Variants in SIGLEC9 observed in about 807,000 individuals in gnomAD.
SIGLEC9 encodes the protein sialic acid-binding Ig-like lectin 9.
SIGLEC9 carries 26 observed loss-of-function variants against 38.3 expected under a neutral mutation model. That is an observed-to-expected ratio of 0.68 (90% CI 0.50 to 0.94). SIGLEC9 has a LOEUF of 0.94. SIGLEC9 is among the 40% of genes least tolerant of loss of function. SIGLEC9 has a pLI of 0.00. For missense variants in SIGLEC9, 556 were observed against 585.7 expected, an observed-to-expected ratio of 0.95 and a Z score of 0.52; for synonymous variants, 236 against 248.0, an observed-to-expected ratio of 0.95 and a Z score of 0.45.
downstream of SIGLEC9, among the ~76,000 whole-genome samples, chr19:51,134,395 G>C (rs2092032699): frequency 6.6e-6 from 1 of 151,992 alleles, no homozygotes; most frequent in Admixed American, 6.6e-5. Context: ...TTGACCCTGT[G>C]ATCCAACCAC....
intron 6 of SIGLEC9, chr19:51,135,826 T>C (rs1460283444): frequency 1.7e-6 from 1 of 582,372 alleles, no homozygotes; most frequent in African/African-American, 1.9e-5. Flanking sequence ...GAACTGGTCT[T>C]TGAGCTCTGA....
intron 4 of SIGLEC9, 81 bp from the exon 5 acceptor site, chr19:51,127,866 GTC>G: frequency 1.2e-6 from 1 of 800,072 alleles, no homozygotes; most frequent in East Asian, 2.5e-5. Context: ...GGAAATAGAA[GTC>G]TAGGACCCTA....
chr19:51,135,732 A>G (rs1489887181), intron 6 of SIGLEC9, among the ~76,000 whole-genome samples: 1 of 151,844 alleles, frequency 6.6e-6, no homozygotes, highest in Non-Finnish European at 1.5e-5. Context: ...TGGTCTCTTT[A>G]TATAATCCCA....
intron 6 of SIGLEC9, chr19:51,135,922 C>A: frequency 2.9e-6 from 2 of 696,190 alleles, no homozygotes; most frequent in South Asian, 3.0e-5. Context: ...TCTAACAGAT[C>A]AGTTTGATTC....
intron 6 of SIGLEC9, among the ~76,000 whole-genome samples, chr19:51,129,594 G>A (rs1239284005): frequency 1.3e-5 from 2 of 151,990 alleles, no homozygotes; most frequent in Non-Finnish European, 2.9e-5. Context: ...CTGTCACCCA[G>A]GATGTAGTGC....
rs148728608 is a variant in SIGLEC9 at position 51,126,869 on chromosome 19, C to T, written c.749-161C>T. Among the ~76,000 whole-genome samples the T allele has an allele frequency of 7.9e-5, 12 of 152,302 alleles. No individual in the cohort carries two copies. The South Asian group carries it at 1.0e-3, about 13-fold the overall frequency. On this transcript the variant is annotated intron_variant, in intron 3 of 6. Transcript: ENST00000250360. ...TAAGCCCAAACTGTTCTCGATGAAG[C>T]GGGGAGAAGTTTACATTCCCAGCAG...
chr19:51,120,129 A>G (rs112356357), upstream of SIGLEC9: 6,073 of 153,324 alleles, frequency 0.04, 392 homozygotes, highest in African/African-American at 0.14. The surrounding 1 kb of genome is among the most constrained non-coding windows in gnomAD (Gnocchi z 4.1). Context: ...TGGAAGGAAC[A>G]CTCCAGTGGC....
chr19:51,136,125 T>C (rs2122865536), exon 7 of SIGLEC9: 1 of 703,918 alleles, frequency 1.4e-6, no homozygotes, highest in South Asian at 1.5e-5. Flanking sequence ...GTGTGGTCAC[T>C]TGAAGGTAAA....
downstream of SIGLEC9, among the ~76,000 whole-genome samples, chr19:51,130,480 C>G (rs927982682): frequency 3.3e-5 from 5 of 152,170 alleles, no homozygotes; most frequent in African/African-American, 1.2e-4. Context: ...CTGGGAACCT[C>G]TCCTGATTCT....
chr19:51,124,942 T>TC lies in SIGLEC9; in HGVS notation c.-30dup, dbSNP rs2091965617. The TC allele has an allele frequency of 1.9e-6, 3 of 1,573,860 alleles. No homozygotes were observed. The East Asian group carries it at 6.7e-5, about 35-fold the overall frequency. On this transcript the variant is annotated 5_prime_UTR_variant, in exon 1 of 7. Transcript: ENST00000250360. ...GAGAAGAACCCTGAGGAACAGACGT[T>TC]CCCTCGCGGCCCTGGCACCTCTAAC...
In SIGLEC9 at chr19:51,127,018, C is replaced by G. The variant is rs2091982787; in HGVS notation, c.749-12C>G. On this transcript the variant is annotated splice_polypyrimidine_tract_variant and intron_variant, in intron 3 of 6. Coordinates refer to ENST00000250360, the MANE Select transcript of SIGLEC9 (RefSeq NM_014441.3). ...TATGTATCTCTCTGACCCTCTGTCT[C>G]TTTTTCTACAGTATCCACAGTCTTG... The G allele has an allele frequency of 6.2e-7, 1 of 1,613,034 alleles. No homozygotes were observed. The highest frequency in any genetic ancestry group is 1.7e-5 in the Admixed American group (1 of 59,984).
At chr19:51,131,479 G>C (rs1402359195), downstream of SIGLEC9, among the ~76,000 whole-genome samples, 1 of 151,918 alleles carries the variant, frequency 6.6e-6, no homozygotes, top group Non-Finnish European at 1.5e-5. Flanking sequence ...CCAGCTACTC[G>C]GGAGGCTGAG....
intron 6 of SIGLEC9, 48 bp from the exon 7 acceptor site, chr19:51,129,843 C>CCCAT (rs2092005160): frequency 7.2e-7 from 1 of 1,393,822 alleles, no homozygotes; most frequent in Non-Finnish European, 9.8e-7. Context: ...GCCACCGCGC[C>CCCAT]CCATCCTCAC....
chr19:51,128,354 G>C, intron 5 of SIGLEC9, 60 bp from the exon 6 acceptor site: 1 of 1,565,348 alleles, frequency 6.4e-7, no homozygotes, highest in Non-Finnish European at 8.8e-7. Context: ...GGGGGTACCT[G>C]GTCTGCCCAC....
chr19:51,129,138 C>CTT (rs1220098385), intron 6 of SIGLEC9, among the ~76,000 whole-genome samples: 190 of 142,712 alleles, frequency 1.3e-3, no homozygotes, highest in African/African-American at 5.6e-3. Context: ...CACATTCTGA[C>CTT]TTTTTTTGTT....
upstream of SIGLEC9, among the ~76,000 whole-genome samples, chr19:51,124,234 G>A (rs8100046): frequency 0.023 from 3,532 of 152,142 alleles, 139 homozygotes; most frequent in African/African-American, 0.081. Context: ...TGCGAGCCAG[G>A]CTCCCCTCTG....
chr19:51,129,146 GTTTT>G (rs750894593), intron 6 of SIGLEC9, among the ~76,000 whole-genome samples: 36 of 136,180 alleles, frequency 2.6e-4, no homozygotes, highest in African/African-American at 1.0e-3. Context: ...GACTTTTTTT[GTTTT>G]TTTTTTTTTT....
chr19:51,130,073 C>T lies in SIGLEC9; in HGVS notation c.1386C>T (p.His462=). 6.2e-7 allele frequency: 1 copy of T among 1,609,960 alleles called. No homozygotes were observed. Among genetic ancestry groups the T allele is most frequent in the Admixed American group, 1.7e-5 (1 of 59,544 alleles). ...CCGAGTACTCGGAGATCAAGATCCA[C>T]AGATGAGAAACTGCAGAGACTCACC... ...TDTEYSEIKI[H]R is the part of the protein sequence containing the mutation. Residue 462 remains histidine, a synonymous_variant, in exon 7 of 7, where the codon CAC becomes CAT. Transcript: ENST00000250360.
At chr19:51,128,318 C>A in intron 5 of SIGLEC9, 96 bp from the exon 6 acceptor site, 1 of 1,409,038 alleles carries the variant, frequency 7.1e-7, no homozygotes, top group Non-Finnish European at 1.0e-6. Flanking sequence ...TCAGTCACCC[C>A]TGCAGTCCCT....
Sources: gnomAD v4.1 joint callset for allele counts (sites outside exome capture counted in the v4.1 genomes callset) on GRCh38, gnomAD v4.1.1 for gene constraint, Gnocchi (gnomAD v3.1) non-coding constraint, MANE v1.5 for transcripts, NCBI Gene and HGNC (gene_info 2026-07-23, HGNC 2026-07-21) for gene names.